Variants in NFATC2 observed in about 807,000 individuals in gnomAD.
NFATC2 encodes nuclear factor of activated T cells 2, also known as nuclear factor of activated T-cells, cytoplasmic 2.
In NFATC2, 22 loss-of-function variants were observed where a neutral mutation model predicts 87.3. The ratio of observed to expected loss-of-function variants is 0.25; its 90% CI spans 0.18 to 0.36. The LOEUF is 0.36. Ranked by LOEUF, NFATC2 falls within the 10% of genes least tolerant of loss-of-function variation. The pLI, the probability that NFATC2 is intolerant of heterozygous loss-of-function variation, is 1.00. For missense variants in NFATC2, 1,149 were observed against 1,259.1 expected (o/e 0.91, Z 1.32); for synonymous variants, 565 against 542.2 (o/e 1.04, Z -0.58).
intron 3 of NFATC2, among the ~76,000 whole-genome samples, chr20:51,496,023 A>G (rs567783206): frequency 3.3e-5 from 5 of 152,276 alleles, no homozygotes; most frequent in Admixed American, 2.6e-4. Flanking sequence ...TTATTTTTCT[A>G]AGCATTTCCA....
chr20:51,391,474 G>C lies in NFATC2; in HGVS notation c.*45-23C>G, dbSNP rs6096403. 2.1e-5 allele frequency: 34 copies of C among 1,585,032 alleles called. 1 individual carries two copies. Among genetic ancestry groups the C allele is most frequent in the East Asian group, 9.0e-5 (4 of 44,516 alleles). On this transcript the variant is annotated intron_variant, in intron 10 of 10. Coordinates refer to ENST00000371564, the MANE Select transcript of NFATC2 (RefSeq NM_012340.5). ...TAACTACAAAAGAAAAGAGGAGGGG[G>C]GGGGAGAGAGAATGGGGCAAGTGAG...
intron 1 of NFATC2, among the ~76,000 whole-genome samples, chr20:51,532,769 C>T (rs1252427983): frequency 2.0e-5 from 3 of 152,208 alleles, no homozygotes; most frequent in Admixed American, 6.5e-5. Context: ...GTGGAATTTT[C>T]GGGAAGCAGA....
chr20:51,542,339 A>G, intron 1 of NFATC2, 31 bp downstream of exon 1: 1 of 1,594,044 alleles, frequency 6.3e-7, no homozygotes, highest in East Asian at 2.4e-5. Context: ...TGGCGGGCTC[A>G]GGGGCCAGGC....
rs1330878785 is a variant in NFATC2, at chr20:51,432,694, G to A, written c.2095C>T (p.His699Tyr). The change falls in exon 9 of 11, where the codon CAT becomes TAT. Residue 699 changes from histidine to tyrosine, a missense_variant. Around this residue, in one of 3 missense-constraint regions of NFATC2, gnomAD observed 581 missense variants for 649.7 expected, o/e 0.89. Coordinates refer to ENST00000371564, the MANE Select transcript of NFATC2 (RefSeq NM_012340.5). This position sits in a 1 kb window ranked among gnomAD's most constrained non-coding sequence, Gnocchi z 4.6. ...YDPTLICSPT[H>Y]GGLGSQPYYP... is the part of the protein sequence containing the mutation. ...TAAGGCTGGCTCCCCAGGCCTCCAT[G>A]GGTGGGGCTGCAGATCAGAGTGGGG... is the stretch of plus-strand genomic sequence containing the variant. The A allele has an allele frequency of 2.5e-6, 4 of 1,582,832 alleles. No individual in the cohort carries two copies. The highest frequency in any genetic ancestry group is 1.3e-5 in the African/African-American group (1 of 74,134).
chr20:51,547,713 G>C (rs1283566886), upstream of NFATC2, among the ~76,000 whole-genome samples: 1 of 152,080 alleles, frequency 6.6e-6, no homozygotes, highest in African/African-American at 2.4e-5. Context: ...CTCAAGTATT[G>C]CTCTGCCTGT....
chr20:51,533,547 G>A (rs900034049), intron 1 of NFATC2, among the ~76,000 whole-genome samples: 3 of 152,218 alleles, frequency 2.0e-5, no homozygotes, highest in African/African-American at 4.8e-5. Context: ...AAAAAGGAAA[G>A]GGAGGACATT....
chr20:51,487,950 C>T (rs556824131), intron 3 of NFATC2, among the ~76,000 whole-genome samples: 10 of 152,186 alleles, frequency 6.6e-5, no homozygotes, highest in East Asian at 1.9e-4. Context: ...CACGGCGAGA[C>T]GGCGCTGAGA....
intron 1 of NFATC2, among the ~76,000 whole-genome samples, chr20:51,555,515 T>C (rs763088990): frequency 6.6e-5 from 10 of 151,148 alleles, no homozygotes; most frequent in East Asian, 1.9e-4. Flanking sequence ...ATGGCGTGAA[T>C]CCGGGAGGCA....
intron 10 of NFATC2, among the ~76,000 whole-genome samples, chr20:51,392,562 C>A (rs1263263835): frequency 3.9e-5 from 6 of 152,204 alleles, no homozygotes; most frequent in Non-Finnish European, 8.8e-5. Flanking sequence ...TAAGGTATGT[C>A]TACACCTTCA....
At chr20:51,408,070 G>A (rs552379540) in intron 9 of NFATC2, among the ~76,000 whole-genome samples, 41 of 152,348 alleles carry the variant, frequency 2.7e-4, no homozygotes, top group African/African-American at 8.9e-4. Flanking sequence ...GGAGGGAGAG[G>A]TGGACCACAA....
chr20:51,517,104 G>T, intron 2 of NFATC2, 149 bp from the exon 3 acceptor site: 1 of 837,286 alleles, frequency 1.2e-6, no homozygotes, highest in Non-Finnish European at 1.8e-6. Flanking sequence ...GCACCATTAT[G>T]TGAACATCAG....
intron 9 of NFATC2, among the ~76,000 whole-genome samples, chr20:51,429,983 G>C (rs555946400): frequency 6.6e-6 from 1 of 152,120 alleles, no homozygotes; most frequent in Admixed American, 6.5e-5. Flanking sequence ...AAAGGGTCTC[G>C]GTGCTCAGCT....
intron 6 of NFATC2, among the ~76,000 whole-genome samples, chr20:51,452,566 G>T (rs1985934961): frequency 6.6e-6 from 1 of 152,272 alleles, no homozygotes; most frequent in Middle Eastern, 3.4e-3. Context: ...GTGAGATCAT[G>T]GTTCATCCAA....
At chr20:51,539,767 G>A (rs2076776974) in intron 1 of NFATC2, among the ~76,000 whole-genome samples, 1 of 152,068 alleles carries the variant, frequency 6.6e-6, no homozygotes, top group African/African-American at 2.4e-5. Context: ...CCAAATTGTT[G>A]GGATTGCAGG....
At chr20:51,428,047 G>A (rs1392237072) in intron 9 of NFATC2, among the ~76,000 whole-genome samples, 1 of 152,160 alleles carries the variant, frequency 6.6e-6, no homozygotes, top group East Asian at 1.9e-4. Flanking sequence ...TGGGTGAGAG[G>A]GAAGGAGGGT....
chr20:51,523,644 G>T lies in NFATC2; in HGVS notation c.597C>A (p.Asp199Glu), dbSNP rs563627678. Residue 199 changes from aspartate (D) to glutamate (E), a missense_variant, in exon 2 of 11, where the codon GAC becomes GAA. By Grantham distance (45) the Asp-to-Glu change is conservative. Around this residue, in one of 3 missense-constraint regions of NFATC2, gnomAD observed 563 missense variants for 585.2 expected, o/e 0.96. Transcript: ENST00000371564. This position sits in a 1 kb window ranked among gnomAD's most constrained non-coding sequence, Gnocchi z 6.9. ...PCVSPNNGGPDDLCPQFQNIP... is the reference protein window; with the variant it reads ...PCVSPNNGGPEDLCPQFQNIP... ...TGTTTTGAAACTGCGGACACAGGTC[G>T]TCGGGCCCGCCGTTATTGGGCGAGA... 2 of 1,613,726 alleles carry T rather than the reference G, an allele frequency of 1.2e-6. No individual in the cohort carries two copies. The highest frequency in any genetic ancestry group is 2.2e-5 in the East Asian group (1 of 44,858).
Position 51,388,694 on chromosome 20 carries a change from A to T in NFATC2, c.*2802T>A, listed in dbSNP as rs186097499. 7 of 152,366 alleles carry T rather than the reference A, an allele frequency of 4.6e-5. No homozygotes were observed. The East Asian group carries it at 9.6e-4, about 21-fold the overall frequency. 9.4% of individuals were successfully genotyped at this position (152,366 alleles called of 1,614,324 possible). ...GCTATACATATTATCAAGCAGCAGC[A>T]TCTTTGTACAATACAGGAAGACTTG... On this transcript the variant is annotated 3_prime_UTR_variant, in exon 11 of 11. Transcript: ENST00000371564.
intron 1 of NFATC2, among the ~76,000 whole-genome samples, chr20:51,551,122 T>C (rs1020435015): frequency 1.3e-5 from 2 of 152,218 alleles, no homozygotes; most frequent in Non-Finnish European, 2.9e-5. Flanking sequence ...TAGGTGTTAA[T>C]ATATAACTTA....
intron 9 of NFATC2, among the ~76,000 whole-genome samples, chr20:51,406,677 A>C (rs1454156252): frequency 6.6e-6 from 1 of 152,188 alleles, no homozygotes; most frequent in African/African-American, 2.4e-5. Flanking sequence ...TAGACCTCAC[A>C]GAGCCCAGGC....
Sources: gnomAD v4.1 joint callset for allele counts (sites outside exome capture counted in the v4.1 genomes callset) on GRCh38, gnomAD v4.1.1 for gene constraint, gnomAD v4.1.1 regional missense constraint, Gnocchi (gnomAD v3.1) non-coding constraint, MANE v1.5 for transcripts, NCBI Gene and HGNC (gene_info 2026-07-23, HGNC 2026-07-21) for gene names.